TM4SF19: variants seen among roughly 807,000 people sequenced by gnomAD.
TM4SF19 encodes the protein transmembrane 4 L six family member 19, also known as transmembrane 4 L6 family member 19.
Under a neutral mutation model 21.8 loss-of-function variants are expected in TM4SF19, and 17 were observed. The ratio of observed to expected loss-of-function variants is 0.78; its 90% CI spans 0.53 to 1.17. The LOEUF (loss-of-function observed/expected upper bound fraction) is 1.17. Among genes scored for constraint, TM4SF19 ranks in the 50% most tolerant of loss-of-function variants. The pLI is 0.00. For missense variants in TM4SF19, 216 were observed against 252.1 expected (o/e 0.86, Z 0.97); for synonymous variants, 107 against 106.7 (o/e 1.00, Z -0.02).
At chr3:196,332,977 A>C (rs1727582025) in intron 1 of TM4SF19, among the ~76,000 whole-genome samples, 1 of 150,716 alleles carries the variant, frequency 6.6e-6, no homozygotes, top group East Asian at 2.0e-4. Flanking sequence ...AGTCTCTCGG[A>C]TAGCTGAGAC....
Position 196,326,389 on chromosome 3 carries a change from AGT to A in TM4SF19, c.279+564_279+565del, listed in dbSNP as rs10604679. Among the ~76,000 whole-genome samples the A allele has an allele frequency of 6.4e-3, 958 of 150,196 alleles. 9 individuals are homozygous for A. The highest frequency in any genetic ancestry group is 0.018 in the African/African-American group (730 of 40,958). On this transcript the variant is annotated intron_variant, in intron 3 of 4. Coordinates refer to ENST00000273695, the MANE Select transcript of TM4SF19 (RefSeq NM_138461.4). ...GGCCACAGATTCATGTCTGAGAACG[AGT>A]GTGTGTGTGTGTGTGTGTGTGTGTT...
Position 196,334,344 on chromosome 3 carries a change from T to C in TM4SF19, c.-2+3920A>G, listed in dbSNP as rs1011534527. 3.9e-5 allele frequency among the ~76,000 whole-genome samples: 6 copies of C among 152,180 alleles called. No individual in the cohort carries two copies. The South Asian group carries it at 1.0e-3, about 26-fold the overall frequency. On this transcript the variant is annotated intron_variant, in intron 1 of 4. Coordinates refer to ENST00000273695, the MANE Select transcript of TM4SF19 (RefSeq NM_138461.4). ...TTAGAAACTTGTTTAGTCGGGTGTTTTCCATTTTTCAAGACTGTAGCTTTT... is the reference window on the plus strand; with the variant it reads ...TTAGAAACTTGTTTAGTCGGGTGTTCTCCATTTTTCAAGACTGTAGCTTTT...
intron 1 of TM4SF19, 137 bp downstream of exon 1, chr3:196,338,124 CAGG>C (rs1727847421): frequency 6.6e-6 from 1 of 152,376 alleles, no homozygotes; most frequent in African/African-American, 2.4e-5. Flanking sequence ...ACTGAGGCAA[CAGG>C]AGAAGGTAAG....
At chr3:196,330,140 CG>C (rs1176178038) in intron 1 of TM4SF19, among the ~76,000 whole-genome samples, 5 of 128,534 alleles carry the variant, frequency 3.9e-5, no homozygotes, top group Admixed American at 8.7e-5. Context: ...CCACCGCGCG[CG>C]GTGGTTTTGG....
At chr3:196,330,058 G>A (rs1727447396) in intron 1 of TM4SF19, among the ~76,000 whole-genome samples, 1 of 151,904 alleles carries the variant, frequency 6.6e-6, no homozygotes, top group African/African-American at 2.4e-5. Flanking sequence ...TTTTAGTAGA[G>A]ACAGGGTTTC....
chr3:196,323,914 G>A lies in TM4SF19; in HGVS notation c.533C>T (p.Ser178Phe). 6.2e-7 allele frequency: 1 copy of A among 1,614,148 alleles called. No homozygotes were observed. Among genetic ancestry groups the A allele is most frequent in the South Asian group, 1.1e-5 (1 of 91,082 alleles). Residue 178 changes from serine (S) to phenylalanine (F), a missense_variant, in exon 5 of 5, where the codon TCC (serine) becomes TTC (phenylalanine). Ser to Phe is a radical substitution (Grantham distance 155). Coordinates refer to ENST00000273695, the MANE Select transcript of TM4SF19 (RefSeq NM_138461.4). ...GAGCAGGCTGATGCACAGAAGGGCG[G>A]AGAAGAGGGACACGTGCCAGACAAC... ...AAVVWHVSLF[S>F]ALLCISLLQL... is the part of the protein sequence containing the mutation.
intron 1 of TM4SF19, among the ~76,000 whole-genome samples, chr3:196,334,381 CTTTTTTTTTTT>C (rs1381418638): frequency 6.9e-6 from 1 of 145,868 alleles, no homozygotes; most frequent in Non-Finnish European, 1.5e-5. Flanking sequence ...TTTTCTTTTT[CTTTTTTTTTTT>C]GAGATGGAGT....
chr3:196,328,544 CA>C (rs1238965155), intron 1 of TM4SF19, among the ~76,000 whole-genome samples: 1 of 152,010 alleles, frequency 6.6e-6, no homozygotes, highest in Non-Finnish European at 1.5e-5. Context: ...AAAATATTTG[CA>C]AGACCTATAT....
At position 196,325,788 on chromosome 3, in the gene TM4SF19, CA is replaced by C. The variant is rs1477245324; in HGVS notation, c.279+1166del. 6.6e-6 allele frequency among the ~76,000 whole-genome samples: 1 copy of C among 152,130 alleles called. No individual in the cohort carries two copies. The highest frequency in any genetic ancestry group is 2.4e-5 in the African/African-American group (1 of 41,418). ...ATCACCTGAGAACCTGTTAGAAATGCAAAACTTCCCCGCCATCCTGAATCAG... is the reference window on the plus strand; with the variant it reads ...ATCACCTGAGAACCTGTTAGAAATGCAAACTTCCCCGCCATCCTGAATCAG... On this transcript the variant is annotated intron_variant, in intron 3 of 4. Transcript: ENST00000273695. This position sits in a 1 kb window ranked among gnomAD's most constrained non-coding sequence, Gnocchi z 4.3.
chr3:196,326,664 A>C (rs1271933143), intron 3 of TM4SF19, among the ~76,000 whole-genome samples: 23 of 152,136 alleles, frequency 1.5e-4, no homozygotes. Context: ...CCAACACCCT[A>C]AGAGAGTAAC....
At chr3:196,332,599 A>G (rs1174253629) in intron 1 of TM4SF19, among the ~76,000 whole-genome samples, 2 of 151,908 alleles carry the variant, frequency 1.3e-5, no homozygotes, top group African/African-American at 4.8e-5. Context: ...ATGTGCGTAT[A>G]TATGTGTGTA....
chr3:196,337,661 T>G (rs544066367), intron 1 of TM4SF19, among the ~76,000 whole-genome samples: 1 of 152,216 alleles, frequency 6.6e-6, no homozygotes, highest in South Asian at 2.1e-4. Context: ...ATGCGGCCCC[T>G]CCCAAGTGCC....
intron 1 of TM4SF19, among the ~76,000 whole-genome samples, chr3:196,331,431 T>C (rs1000008545): frequency 6.6e-6 from 1 of 151,570 alleles, no homozygotes; most frequent in African/African-American, 2.4e-5. Context: ...TACACGTCTG[T>C]CTCCCCTTAA....
At chr3:196,333,903 A>G (rs1285092716) in intron 1 of TM4SF19, among the ~76,000 whole-genome samples, 1 of 152,250 alleles carries the variant, frequency 6.6e-6, no homozygotes, top group East Asian at 1.9e-4. Context: ...TCTACTAAAA[A>G]TACAAAACTT....
At chr3:196,328,938 G>C (rs887634227) in intron 1 of TM4SF19, among the ~76,000 whole-genome samples, 1 of 152,014 alleles carries the variant, frequency 6.6e-6, no homozygotes, top group African/African-American at 2.4e-5. Flanking sequence ...CCCGGTCCAG[G>C]AAAAATGATT....
At chr3:196,324,713 T>C in intron 3 of TM4SF19, 1 of 434,958 alleles carries the variant, frequency 2.3e-6, no homozygotes, top group African/African-American at 2.0e-5. Flanking sequence ...AGGCCCCGGA[T>C]CTCCCTGACC....
intron 1 of TM4SF19, among the ~76,000 whole-genome samples, chr3:196,335,647 C>T (rs11926075): frequency 0.21 from 31,797 of 151,356 alleles, 3,466 homozygotes; most frequent in South Asian, 0.31. Flanking sequence ...CCCCCATCAA[C>T]CCTCTGGCTG....
intron 1 of TM4SF19, 75 bp from the exon 2 acceptor site, chr3:196,327,666 T>C (rs1310947994): frequency 9.3e-6 from 12 of 1,293,434 alleles, no homozygotes; most frequent in Non-Finnish European, 1.3e-5. Context: ...CAGCATATCA[T>C]GGGTGAGGGA....
chr3:196,331,736 G>A (rs1461549587), intron 1 of TM4SF19, among the ~76,000 whole-genome samples: 6 of 151,878 alleles, frequency 4.0e-5, no homozygotes, highest in Middle Eastern at 3.2e-3. Context: ...GCAGTGAGCC[G>A]AGATTACGCC....
Sources: allele counts gnomAD v4.1 joint callset (sites outside exome capture counted in the v4.1 genomes callset), GRCh38; gene constraint gnomAD v4.1.1; non-coding constraint Gnocchi (gnomAD v3.1); transcripts MANE v1.5; gene names NCBI Gene and HGNC (gene_info 2026-07-23, HGNC 2026-07-21).